The following PPP1R12B variants were observed in gnomAD, a reference collection of about 807,000 sequenced individuals.
The protein encoded by PPP1R12B is myosin phosphatase target subunit 2.
A neutral mutation model predicts 126.1 loss-of-function variants in PPP1R12B; 76 were observed. The ratio of observed to expected loss-of-function variants is 0.60; its 90% CI spans 0.50 to 0.73. The LOEUF is 0.73. Among genes scored for constraint, PPP1R12B ranks in the 30% least tolerant of loss-of-function variants. PPP1R12B has a pLI of 0.00. For synonymous variants in PPP1R12B, 356 were observed against 434.7 expected (o/e 0.82, Z 2.25); for missense variants, 1,052 against 1,205.1 (o/e 0.87, Z 1.88).
intron 1 of PPP1R12B, among the ~76,000 whole-genome samples, chr1:202,389,263 A>G (rs902572791): frequency 1.3e-5 from 2 of 152,244 alleles, no homozygotes; most frequent in East Asian, 1.9e-4. Flanking sequence ...TCCTAAAAAA[A>G]GTTGAAAAAC....
rs182596796 is a variant in PPP1R12B at position 202,447,082 on chromosome 1, C to T, written c.1668-1907C>T. 3.1e-3 allele frequency among the ~76,000 whole-genome samples: 466 copies of T among 152,266 alleles called. 3 individuals are homozygous for T. The highest frequency in any genetic ancestry group is 0.011 in the African/African-American group (446 of 41,530). On this transcript the variant is annotated intron_variant, in intron 12 of 23. Coordinates refer to ENST00000608999, the MANE Select transcript of PPP1R12B (RefSeq NM_002481.4). ...TTGGATACCTCTAGTGGCCAGGAGA[C>T]TTTGAGAAGTGTGGACTTTTAACTA... is the stretch of plus-strand genomic sequence containing the variant.
intron 1 of PPP1R12B, among the ~76,000 whole-genome samples, chr1:202,384,535 T>C (rs569806107): frequency 8.5e-5 from 13 of 152,316 alleles, no homozygotes; most frequent in African/African-American, 2.6e-4. Flanking sequence ...AATTAATAGT[T>C]GCTAAGGGCT....
chr1:202,559,450 T>A (rs1400360203), intron 19 of PPP1R12B, among the ~76,000 whole-genome samples: 5 of 152,146 alleles, frequency 3.3e-5, no homozygotes, highest in African/African-American at 1.2e-4. Context: ...AAAGACCTGT[T>A]TTGCAATTGC....
Position 202,548,016 on chromosome 1 carries a change from T to C in PPP1R12B, c.2491-10861T>C, listed in dbSNP as rs1685829573. Among the ~76,000 whole-genome samples the C allele has an allele frequency of 1.3e-5, 2 of 152,256 alleles. 1 individual carries two copies. Among genetic ancestry groups the C allele is most frequent in the South Asian group, 4.1e-4 (2 of 4,836 alleles). On this transcript the variant is annotated intron_variant, in intron 18 of 23. Coordinates refer to ENST00000608999, the MANE Select transcript of PPP1R12B (RefSeq NM_002481.4). ...AAGCACTTACATTTATTGTCTCATT[T>C]AATACATTTGATAACCATAAACACC...
At chr1:202,405,409 A>G (rs1174851205) in intron 1 of PPP1R12B, among the ~76,000 whole-genome samples, 5 of 152,238 alleles carry the variant, frequency 3.3e-5, no homozygotes, top group South Asian at 2.1e-4. Context: ...ATATTTAAGT[A>G]TAACATTACT....
intron 13 of PPP1R12B, among the ~76,000 whole-genome samples, chr1:202,483,517 G>A (rs966678415): frequency 2.0e-5 from 3 of 152,108 alleles, no homozygotes; most frequent in African/African-American, 4.8e-5. Context: ...TGGTGGGAAC[G>A]ACGGTTACAG....
chr1:202,442,618 A>T, intron 12 of PPP1R12B, 46 bp downstream of exon 12: 1 of 1,548,416 alleles, frequency 6.5e-7, no homozygotes, highest in Non-Finnish European at 8.8e-7. Flanking sequence ...CACTCTAGCC[A>T]TGGGAAATGG....
At chr1:202,390,092 A>G (rs1663893365) in intron 1 of PPP1R12B, among the ~76,000 whole-genome samples, 2 of 152,218 alleles carry the variant, frequency 1.3e-5, no homozygotes, top group Admixed American at 1.3e-4. Context: ...AAGGTAGACA[A>G]GTACATCAAT....
intron 13 of PPP1R12B, among the ~76,000 whole-genome samples, chr1:202,476,337 T>A (rs1016658663): frequency 2.0e-5 from 3 of 151,286 alleles, no homozygotes; most frequent in Non-Finnish European, 4.4e-5. Flanking sequence ...ATTTATATAG[T>A]GTGTCTTTAA....
chr1:202,481,024 A>G lies in PPP1R12B; in HGVS notation c.1851-7509A>G, dbSNP rs189649909. Among the ~76,000 whole-genome samples the G allele has an allele frequency of 2.2e-4, 33 of 152,342 alleles. No homozygotes were observed. The East Asian group carries it at 6.2e-3, about 28-fold the overall frequency. On this transcript the variant is annotated intron_variant, in intron 13 of 23. Transcript: ENST00000608999. ...ATGGTTTTGGGTAAAACTGTTCTGC[A>G]GATCATCAGGCATTAGTTAGATTCT...
intron 1 of PPP1R12B, among the ~76,000 whole-genome samples, chr1:202,358,757 T>G (rs914425306): frequency 6.6e-6 from 1 of 152,178 alleles, no homozygotes; most frequent in African/African-American, 2.4e-5. Flanking sequence ...AATGAAATAT[T>G]CTACTTCATT....
chr1:202,576,049 G>A (rs1689064575), intron 23 of PPP1R12B: 1 of 152,144 alleles, frequency 6.6e-6, no homozygotes, highest in African/African-American at 2.4e-5. Flanking sequence ...ACAAATCTTT[G>A]GGCCCTAGGG....
At chr1:202,452,591 G>A (rs1673143150) in intron 13 of PPP1R12B, among the ~76,000 whole-genome samples, 1 of 151,854 alleles carries the variant, frequency 6.6e-6, no homozygotes, top group Non-Finnish European at 1.5e-5. Context: ...AGGGGGAGGG[G>A]GAGAGGGAGA....
intron 1 of PPP1R12B, among the ~76,000 whole-genome samples, chr1:202,388,329 G>A (rs1188380661): frequency 6.6e-6 from 1 of 152,014 alleles, no homozygotes; most frequent in Non-Finnish European, 1.5e-5. Flanking sequence ...GACTGCAGGC[G>A]CACGCCACCA....
At chr1:202,555,463 T>TAA (rs59737329) in intron 18 of PPP1R12B, among the ~76,000 whole-genome samples, 12 of 61,424 alleles carry the variant, frequency 2.0e-4, no homozygotes, top group African/African-American at 3.5e-4. Context: ...AAGAAGAAAC[T>TAA]AAAAAAAAAA....
rs1343747523 is a variant in PPP1R12B, at chr1:202,569,217, C to CT, written c.2862+25dup. On this transcript the variant is annotated intron_variant, in intron 23 of 23. Coordinates refer to ENST00000608999, the MANE Select transcript of PPP1R12B (RefSeq NM_002481.4). The stretch of plus-strand genomic sequence containing the variant: ...ATGAAGGTATGAAGAGATTTTCTTT[C>CT]TTTTTGTATGCCTGTTCTCTGAATG... 4.4e-6 allele frequency: 7 copies of CT among 1,607,982 alleles called. No individual in the cohort carries two copies. Among genetic ancestry groups the CT allele is most frequent in the Non-Finnish European group, 6.0e-6 (7 of 1,174,720 alleles).
chr1:202,484,875 G>T (rs919655464), intron 13 of PPP1R12B, among the ~76,000 whole-genome samples: 4 of 152,154 alleles, frequency 2.6e-5, no homozygotes, highest in African/African-American at 7.2e-5. Flanking sequence ...GCTGCTGCTT[G>T]ACCAACTATC....
chr1:202,544,214 T>C (rs1685422098), intron 18 of PPP1R12B, among the ~76,000 whole-genome samples: 1 of 152,172 alleles, frequency 6.6e-6, no homozygotes, highest in African/African-American at 2.4e-5. Flanking sequence ...TTAAAAAAAA[T>C]TATTTTTCTT....
intron 23 of PPP1R12B, among the ~76,000 whole-genome samples, chr1:202,573,326 G>A (rs1442190232): frequency 1.3e-5 from 2 of 152,106 alleles, no homozygotes; most frequent in East Asian, 3.9e-4. Flanking sequence ...TTCCAAGGTG[G>A]TCATTCTTTC....
Sources: gnomAD v4.1 joint callset for allele counts (sites outside exome capture counted in the v4.1 genomes callset) on GRCh38, gnomAD v4.1.1 for gene constraint, MANE v1.5 for transcripts, NCBI Gene and HGNC (gene_info 2026-07-23, HGNC 2026-07-21) for gene names.